SPTBN1: variants seen among roughly 807,000 people sequenced by gnomAD.
SPTBN1 encodes spectrin beta, non-erythrocytic 1, also known as spectrin beta chain, non-erythrocytic 1.
Under a neutral mutation model 266.4 loss-of-function variants are expected in SPTBN1, and 32 were observed. The ratio of observed to expected loss-of-function variants is 0.12; its 90% CI spans 0.09 to 0.16. The LOEUF (loss-of-function observed/expected upper bound fraction) is 0.16. Ranked by LOEUF, SPTBN1 falls within the 10% of genes least tolerant of loss-of-function variation. The pLI, the probability that SPTBN1 is intolerant of heterozygous loss-of-function variation, is 1.00. For missense variants in SPTBN1, 2,296 were observed against 3,067.1 expected (o/e 0.75, Z 5.94); for synonymous variants, 1,336 against 1,162.2 (o/e 1.15, Z -3.04).
At chr2:54,477,680 G>A (rs902938115) in intron 1 of SPTBN1, among the ~76,000 whole-genome samples, 2 of 152,138 alleles carry the variant, frequency 1.3e-5, no homozygotes, top group Non-Finnish European at 2.9e-5. Flanking sequence ...TTGGGAGGCT[G>A]AGGTGGGCGG....
chr2:54,550,577 A>G (rs867163796), intron 2 of SPTBN1, among the ~76,000 whole-genome samples: 1 of 152,212 alleles, frequency 6.6e-6, no homozygotes, highest in Non-Finnish European at 1.5e-5. Flanking sequence ...AAAATTGCAT[A>G]GATAAGACCG....
intron 2 of SPTBN1, among the ~76,000 whole-genome samples, chr2:54,592,542 GC>G (rs1012806196): frequency 5.3e-5 from 8 of 151,978 alleles, no homozygotes; most frequent in Non-Finnish European, 7.4e-5. Context: ...GCGCCACCAC[GC>G]CTGGCTAATT....
At chr2:54,656,090 TA>T in intron 29 of SPTBN1, 92 bp downstream of exon 29, 1 of 1,151,304 alleles carries the variant, frequency 8.7e-7, no homozygotes, top group Non-Finnish European at 1.2e-6. Context: ...TGTTATCATT[TA>T]AAGATTGTTC....
chr2:54,507,516 C>T (rs1004975172), intron 1 of SPTBN1, among the ~76,000 whole-genome samples: 2 of 151,860 alleles, frequency 1.3e-5, no homozygotes, highest in South Asian at 4.1e-4. Flanking sequence ...AAACATTTGT[C>T]GTATAGAATG....
At chr2:54,654,259 A>G (rs1000041732) in intron 27 of SPTBN1, among the ~76,000 whole-genome samples, 3 of 152,186 alleles carry the variant, frequency 2.0e-5, no homozygotes, top group African/African-American at 7.2e-5. Context: ...TTTTTGGATT[A>G]AAGACCACTC....
At chr2:54,546,348 A>G (rs1175395760) in intron 2 of SPTBN1, 1 of 152,226 alleles carries the variant, frequency 6.6e-6, no homozygotes, top group Non-Finnish European at 1.5e-5. Flanking sequence ...TGATGGGGGT[A>G]TCACAAAAAC....
chr2:54,624,814 G>C lies in SPTBN1; in HGVS notation c.1193G>C (p.Arg398Thr). 6.2e-7 allele frequency: 1 copy of C among 1,614,136 alleles called. No homozygotes were observed. The highest frequency in any genetic ancestry group is 1.1e-5 in the South Asian group (1 of 91,084). Residue 398 changes from arginine (R) to threonine (T), a missense_variant, in exon 11 of 36, where the codon AGA becomes ACA. Transcript: ENST00000356805. The part of the protein sequence containing the change: ...LISDINKAWE[R>T]LEKAEHEREL... ...TTTTCATTTTTGTAGGCCTGGGAAA[G>C]ACTGGAAAAAGCGGAACACGAAAGA...
chr2:54,560,358 G>T (rs1053994428), intron 2 of SPTBN1, among the ~76,000 whole-genome samples: 2 of 152,054 alleles, frequency 1.3e-5, no homozygotes, highest in Admixed American at 6.6e-5. Context: ...CGCCAGCCTA[G>T]CCTGGAAGTC....
chr2:54,609,498 T>G (rs543476654), intron 3 of SPTBN1, among the ~76,000 whole-genome samples: 1 of 152,340 alleles, frequency 6.6e-6, no homozygotes, highest in Admixed American at 6.5e-5. Context: ...GCATCTTCAG[T>G]GGTGTAGTCC....
At chr2:54,520,047 C>T (rs947711587) in intron 1 of SPTBN1, among the ~76,000 whole-genome samples, 14 of 152,132 alleles carry the variant, frequency 9.2e-5, no homozygotes, top group Admixed American at 3.3e-4. Flanking sequence ...TTGCAGGGAG[C>T]AGCTGTCAGC....
chr2:54,617,836 A>G (rs1677712534), intron 6 of SPTBN1, 148 bp downstream of exon 6: 1 of 745,476 alleles, frequency 1.3e-6, no homozygotes, highest in African/African-American at 1.8e-5. Context: ...AATATGGGAG[A>G]ATATATAAAT....
chr2:54,637,854 C>T (rs1454210162), intron 18 of SPTBN1, 51 bp downstream of exon 18: 1 of 1,443,290 alleles, frequency 6.9e-7, no homozygotes, highest in Non-Finnish European at 9.7e-7. Flanking sequence ...ATAGCAATTG[C>T]CAGCCAGCAT....
chr2:54,594,958 A>T (rs1161661025), intron 2 of SPTBN1, among the ~76,000 whole-genome samples: 6 of 149,672 alleles, frequency 4.0e-5, no homozygotes, highest in Non-Finnish European at 7.4e-5. Flanking sequence ...CCTCAGCCTC[A>T]CAAGTAGCTG....
At chr2:54,597,448 G>A (rs952367969) in intron 2 of SPTBN1, among the ~76,000 whole-genome samples, 1 of 152,160 alleles carries the variant, frequency 6.6e-6, no homozygotes, top group Non-Finnish European at 1.5e-5. Flanking sequence ...CTCTAATCCT[G>A]TCCTTTTTGA....
Position 54,644,483 on chromosome 2 carries a change from G to T in SPTBN1, c.4166G>T (p.Cys1389Phe), listed in dbSNP as rs763159763. 6.2e-7 allele frequency: 1 copy of T among 1,614,240 alleles called. No homozygotes were observed. Among genetic ancestry groups the T allele is most frequent in the Non-Finnish European group, 8.5e-7 (1 of 1,180,044 alleles). The change falls in exon 20 of 36, where the codon TGT (cysteine) becomes TTT (phenylalanine). Residue 1389 changes from cysteine (C) to phenylalanine (F), a missense_variant. Cys to Phe is a radical substitution (Grantham distance 205, BLOSUM62 -2). This residue lies in a region of SPTBN1 where 386 missense variants were observed against 486.1 expected (regional missense o/e 0.79). Coordinates refer to ENST00000356805, the MANE Select transcript of SPTBN1 (RefSeq NM_003128.3). The stretch of plus-strand genomic sequence containing the variant: ...AAGGCCGAACTTTTCACCCAGAGCT[G>T]TGCAGATCTAGACAAATGGCTGCAC... Reference protein sequence around the residue: ...ANKAELFTQSCADLDKWLHGL... With the variant: ...ANKAELFTQSFADLDKWLHGL...
Position 54,558,119 on chromosome 2 carries a change from T to A in SPTBN1, c.148+31553T>A, listed in dbSNP as rs1673001761. ...TTACATGAGGCTCAACAAAAGATTG[T>A]AATTCCAGCAGCTCTGTTTGGGAAG... On this transcript the variant is annotated intron_variant, in intron 2 of 35. Transcript: ENST00000356805. The surrounding 1 kb of genome is among the most constrained non-coding windows in gnomAD (Gnocchi z 4.6). 2 of 985,388 alleles carry A rather than the reference T, an allele frequency of 2.0e-6. No homozygotes were observed. Among genetic ancestry groups the A allele is most frequent in the South Asian group, 9.4e-5 (2 of 21,290 alleles). The allele number at this position is 985,388 out of a possible 1,614,324, so 61.0% of individuals were successfully genotyped here. A position where few individuals can be genotyped will look rare whatever the true frequency, so the allele number is the denominator to read the frequency against.
At chr2:54,482,122 C>T (rs779720090) in intron 1 of SPTBN1, among the ~76,000 whole-genome samples, 2 of 152,014 alleles carry the variant, frequency 1.3e-5, no homozygotes, top group Non-Finnish European at 2.9e-5. Flanking sequence ...AGTGCCTGGT[C>T]GGATAGGGAT....
intron 1 of SPTBN1, among the ~76,000 whole-genome samples, chr2:54,515,205 TCC>T (rs1670052145): frequency 6.6e-6 from 1 of 152,086 alleles, no homozygotes; most frequent in African/African-American, 2.4e-5. Context: ...TGTATTCATC[TCC>T]ACCCCTACCA....
chr2:54,652,653 C>T (rs1680373241), intron 26 of SPTBN1: 2 of 151,548 alleles, frequency 1.3e-5, no homozygotes, highest in Admixed American at 1.3e-4. Flanking sequence ...TTCATGGGTA[C>T]TGCCCATTTA....
Sources: allele counts gnomAD v4.1 joint callset (sites outside exome capture counted in the v4.1 genomes callset), GRCh38; gene constraint gnomAD v4.1.1; regional missense constraint gnomAD v4.1.1; non-coding constraint Gnocchi (gnomAD v3.1); transcripts MANE v1.5; gene names NCBI Gene and HGNC (gene_info 2026-07-23, HGNC 2026-07-21).